DRC8: variants seen among roughly 807,000 people sequenced by gnomAD.
DRC8 encodes the protein dynein regulatory complex protein 8.
chr1:245,001,459 G>C, the DRC8 span, among the ~76,000 whole-genome samples: 1 of 152,192 alleles, frequency 6.6e-6, no homozygotes, highest in African/African-American at 2.4e-5. Context: ...TTGAGTCAGA[G>C]TTTCCAGGGG....
chr1:244,970,808 T>G, the DRC8 span: 2 of 354,116 alleles, frequency 5.6e-6, no homozygotes, highest in Non-Finnish European at 5.1e-6. Context: ...AGGCCGGGCC[T>G]TGCATCCTGC....
the DRC8 span, among the ~76,000 whole-genome samples, chr1:245,026,641 G>T: frequency 6.6e-6 from 1 of 152,170 alleles, no homozygotes; most frequent in Non-Finnish European, 1.5e-5. Context: ...CCCTCAATAA[G>T]AAATGAATTG....
the DRC8 span, chr1:244,970,279 C>T: frequency 2.7e-6 from 2 of 741,176 alleles, no homozygotes; most frequent in South Asian, 1.5e-5. Context: ...CCCGCCCCGC[C>T]CCGCCCAAGG....
the DRC8 span, among the ~76,000 whole-genome samples, chr1:245,038,890 A>C: frequency 1.3e-5 from 2 of 150,316 alleles, no homozygotes; most frequent in African/African-American, 5.0e-5. Flanking sequence ...ATTTCAAGCC[A>C]AAAAAGAATT....
the DRC8 span, among the ~76,000 whole-genome samples, chr1:245,053,134 T>G: frequency 6.6e-6 from 1 of 152,188 alleles, no homozygotes; most frequent in Non-Finnish European, 1.5e-5. Context: ...AACCTTTCAA[T>G]CAGTTGTTGG....
the DRC8 span, among the ~76,000 whole-genome samples, chr1:245,086,125 A>G: frequency 6.6e-6 from 1 of 152,256 alleles, no homozygotes; most frequent in African/African-American, 2.4e-5. Context: ...TCAACTATTG[A>G]GTATCTCAGC....
the DRC8 span, among the ~76,000 whole-genome samples, chr1:245,012,315 G>A: frequency 6.6e-6 from 1 of 151,670 alleles, no homozygotes; most frequent in Admixed American, 6.6e-5. Context: ...AAAGACTAGT[G>A]TTCTAGATTA....
the DRC8 span, among the ~76,000 whole-genome samples, chr1:245,118,049 A>T: frequency 6.6e-6 from 1 of 152,192 alleles, no homozygotes; most frequent in Admixed American, 6.5e-5. Context: ...AACCTCTATT[A>T]CGCTACCTGA....
the DRC8 span, among the ~76,000 whole-genome samples, chr1:245,054,197 A>G: frequency 6.6e-6 from 1 of 151,760 alleles, no homozygotes; most frequent in African/African-American, 2.4e-5. Flanking sequence ...GGGTCTGTGT[A>G]TGTTGCCCAC....
the DRC8 span, among the ~76,000 whole-genome samples, chr1:244,971,958 C>A: frequency 0.013 from 1,352 of 106,318 alleles, no homozygotes; most frequent in African/African-American, 0.019. Flanking sequence ...TGTTCTTTAC[C>A]AAAAAAAAAA....
chr1:245,078,732 T>C, the DRC8 span, among the ~76,000 whole-genome samples: 2 of 152,180 alleles, frequency 1.3e-5, no homozygotes, highest in Non-Finnish European at 2.9e-5. Flanking sequence ...AGAAAAACAA[T>C]TTCTGATGTA....
At chr1:245,015,939 C>T in the DRC8 span, among the ~76,000 whole-genome samples, 8 of 146,650 alleles carry the variant, frequency 5.5e-5, no homozygotes, top group African/African-American at 1.8e-4. Flanking sequence ...GAGTAAAAGC[C>T]GAAATCCTTA....
chr1:245,035,234 G>T, the DRC8 span, among the ~76,000 whole-genome samples: 1 of 150,106 alleles, frequency 6.7e-6, no homozygotes, highest in Admixed American at 6.6e-5. Context: ...AATTCATATA[G>T]AAATGTAAGG....
chr1:244,970,056 G>A, the DRC8 span: 9 of 633,798 alleles, frequency 1.4e-5, no homozygotes, highest in Admixed American at 2.6e-4. Context: ...GTGTGCGCGC[G>A]CGTGCTGTCC....
the DRC8 span, among the ~76,000 whole-genome samples, chr1:245,024,455 C>G: frequency 6.6e-6 from 1 of 151,942 alleles, no homozygotes; most frequent in Non-Finnish European, 1.5e-5. Flanking sequence ...CCTTCTGAAA[C>G]AAGCTTTAAT....
At chr1:245,060,506 G>T in the DRC8 span, among the ~76,000 whole-genome samples, 1 of 152,124 alleles carries the variant, frequency 6.6e-6, no homozygotes, top group African/African-American at 2.4e-5. Flanking sequence ...AGAACACATT[G>T]TTTTTACCTT....
At chr1:245,068,762 TATAGTATAATTC>T in the DRC8 span, among the ~76,000 whole-genome samples, 1 of 152,080 alleles carries the variant, frequency 6.6e-6, no homozygotes, top group South Asian at 2.1e-4. Flanking sequence ...ACTATAATCT[TATAGTATAATTC>T]AGTAGGTAAA....
At chr1:245,017,536 C>T in the DRC8 span, among the ~76,000 whole-genome samples, 3,548 of 141,280 alleles carry the variant, frequency 0.025, 154 homozygotes, top group African/African-American at 0.09. Context: ...AAACAATATA[C>T]TGTATTCTCA....
the DRC8 span, among the ~76,000 whole-genome samples, chr1:245,110,089 T>A: frequency 3.3e-5 from 5 of 152,176 alleles, no homozygotes; most frequent in Non-Finnish European, 1.5e-5. Context: ...AAAAGAGCAT[T>A]AAGTTGAATT....
Sources: gnomAD v4.1 joint callset for allele counts (sites outside exome capture counted in the v4.1 genomes callset) on GRCh38, gnomAD v4.1.1 for gene constraint, MANE v1.5 for transcripts, NCBI Gene and HGNC (gene_info 2026-07-23, HGNC 2026-07-21) for gene names.